CLVS1: variants seen among roughly 807,000 people sequenced by gnomAD.
The protein encoded by CLVS1 is clavesin 1, also known as clavesin-1.
CLVS1 carries 10 observed loss-of-function variants against 33.1 expected under a neutral mutation model. That is an observed-to-expected ratio of 0.30 (90% CI 0.19 to 0.51). CLVS1 has a LOEUF of 0.51. Among genes scored for constraint, CLVS1 ranks in the 20% least tolerant of loss-of-function variants. CLVS1 has a pLI of 0.97. For synonymous variants in CLVS1, 163 were observed against 166.1 expected, an observed-to-expected ratio of 0.98 and a Z score of 0.14; for missense variants, 343 against 433.4, an observed-to-expected ratio of 0.79 and a Z score of 1.85.
chr8:61,347,426 C>T (rs1812257810), intron 2 of CLVS1, among the ~76,000 whole-genome samples: 1 of 151,482 alleles, frequency 6.6e-6, no homozygotes, highest in Non-Finnish European at 1.5e-5. Context: ...AAATTGTACT[C>T]AAAGGAGCAG....
At chr8:61,428,886 G>A (rs553731441) in intron 3 of CLVS1, among the ~76,000 whole-genome samples, 35 of 152,252 alleles carry the variant, frequency 2.3e-4, no homozygotes, top group East Asian at 9.6e-4. Flanking sequence ...ATTAAAACCC[G>A]CGTTATTCAA....
chr8:61,254,920 C>A (rs1338924476), intron 2 of CLVS1, among the ~76,000 whole-genome samples: 2 of 152,170 alleles, frequency 1.3e-5, no homozygotes, highest in East Asian at 1.9e-4. Context: ...GCACTGCACC[C>A]ACTCTCCGAC....
chr8:61,084,472 G>T (rs756024803), intron 1 of CLVS1, among the ~76,000 whole-genome samples: 1 of 152,170 alleles, frequency 6.6e-6, no homozygotes, highest in East Asian at 1.9e-4. Flanking sequence ...GGAGGAGAGA[G>T]TTCTACTACT....
At chr8:61,063,774 CA>C (rs1804627829) in intron 1 of CLVS1, among the ~76,000 whole-genome samples, 1 of 152,182 alleles carries the variant, frequency 6.6e-6, no homozygotes, top group African/African-American at 2.4e-5. Context: ...GTCTATAACT[CA>C]GTGGCATTAG....
chr8:61,288,348 C>A (rs1809852179), intron 1 of CLVS1: 1 of 443,916 alleles, frequency 2.3e-6, no homozygotes, highest in Admixed American at 2.4e-5. Context: ...TCAGCCTGCG[C>A]CCCCTTACAC....
At chr8:61,088,750 C>T (rs1291221860) in intron 1 of CLVS1, among the ~76,000 whole-genome samples, 1 of 151,932 alleles carries the variant, frequency 6.6e-6, no homozygotes, top group Non-Finnish European at 1.5e-5. Context: ...TCCATTTTTA[C>T]ACATCCCAGG....
intron 2 of CLVS1, among the ~76,000 whole-genome samples, chr8:61,276,477 A>G (rs915040270): frequency 3.3e-5 from 5 of 152,230 alleles, no homozygotes; most frequent in African/African-American, 9.6e-5. Context: ...TTCTGGCAAC[A>G]TTCTCTTGTT....
intron 1 of CLVS1, among the ~76,000 whole-genome samples, chr8:61,119,803 A>G (rs1240385325): frequency 2.6e-5 from 3 of 115,492 alleles, no homozygotes; most frequent in Non-Finnish European, 5.1e-5. Flanking sequence ...GCTGCCCTTA[A>G]CATTTTTTCC....
At chr8:60,977,462 T>C in the CLVS1 span, among the ~76,000 whole-genome samples, 1 of 152,112 alleles carries the variant, frequency 6.6e-6, no homozygotes, top group Non-Finnish European at 1.5e-5. Context: ...AGAAAAATAA[T>C]GTATGAACAA....
intron 2 of CLVS1, among the ~76,000 whole-genome samples, chr8:61,200,854 C>T (rs987465331): frequency 3.3e-5 from 5 of 151,896 alleles, no homozygotes; most frequent in East Asian, 3.9e-4. Context: ...TTTTGTTTTA[C>T]TCTTATTGAT....
At chr8:61,479,765 T>G (rs985050279) in intron 5 of CLVS1, among the ~76,000 whole-genome samples, 2 of 152,250 alleles carry the variant, frequency 1.3e-5, no homozygotes, top group Non-Finnish European at 2.9e-5. Flanking sequence ...GTTTTTGGTG[T>G]GGATGTCCTT....
At chr8:61,064,152 C>T (rs1804633749) in intron 1 of CLVS1, among the ~76,000 whole-genome samples, 1 of 152,142 alleles carries the variant, frequency 6.6e-6, no homozygotes, top group East Asian at 1.9e-4. Flanking sequence ...TTTTTTCTGC[C>T]TTTTGATTAC....
the CLVS1 span, among the ~76,000 whole-genome samples, chr8:60,980,923 G>A: frequency 2.0e-5 from 3 of 152,190 alleles, no homozygotes; most frequent in Non-Finnish European, 2.9e-5. Flanking sequence ...GGCAGAGGGA[G>A]AGGACACACA....
intron 2 of CLVS1, among the ~76,000 whole-genome samples, chr8:61,358,616 C>G (rs1316872320): frequency 2.6e-5 from 4 of 152,130 alleles, no homozygotes; most frequent in African/African-American, 9.7e-5. Context: ...AACAAACAAA[C>G]AAACAAACAA....
chr8:60,985,401 C>G, the CLVS1 span, among the ~76,000 whole-genome samples: 1 of 152,312 alleles, frequency 6.6e-6, no homozygotes, highest in Non-Finnish European at 1.5e-5. Flanking sequence ...GCCACTGGTC[C>G]TCCTCTTTGA....
intron 5 of CLVS1, among the ~76,000 whole-genome samples, chr8:61,470,975 G>A (rs73685059): frequency 1.4e-4 from 21 of 152,224 alleles, no homozygotes; most frequent in African/African-American, 4.8e-4. Flanking sequence ...ACCAACAAGC[G>A]CCCTCACTGT....
intron 2 of CLVS1, among the ~76,000 whole-genome samples, chr8:61,368,094 G>A (rs1177971015): frequency 6.6e-6 from 1 of 152,214 alleles, no homozygotes; most frequent in Non-Finnish European, 1.5e-5. Flanking sequence ...GTGATAAAAT[G>A]TTGGTTTTTA....
chr8:61,198,815 T>A (rs1445301775), intron 2 of CLVS1, among the ~76,000 whole-genome samples: 3 of 152,226 alleles, frequency 2.0e-5, no homozygotes, highest in African/African-American at 4.8e-5. Flanking sequence ...GAGAACATCC[T>A]GTATTTGGTT....
intron 1 of CLVS1, among the ~76,000 whole-genome samples, chr8:61,058,704 T>A (rs935678606): frequency 1.3e-5 from 2 of 152,242 alleles, no homozygotes; most frequent in Non-Finnish European, 2.9e-5. Context: ...CCTTTGCTTC[T>A]GTCTCTCCTT....
Sources: gnomAD v4.1 joint callset for allele counts (sites outside exome capture counted in the v4.1 genomes callset) on GRCh38, gnomAD v4.1.1 for gene constraint, MANE v1.5 for transcripts, NCBI Gene and HGNC (gene_info 2026-07-23, HGNC 2026-07-21) for gene names.